Variants in CNTNAP2 observed in about 807,000 individuals in gnomAD.
CNTNAP2 encodes the protein contactin associated protein 2.
CNTNAP2 carries 98 observed loss-of-function variants against 155.2 expected under a neutral mutation model. That is an observed-to-expected ratio of 0.63 (90% CI 0.54 to 0.75). The LOEUF (loss-of-function observed/expected upper bound fraction) is 0.75. Ranked by LOEUF, CNTNAP2 falls within the 30% of genes least tolerant of loss-of-function variation. The pLI, the probability that CNTNAP2 is intolerant of heterozygous loss-of-function variation, is 0.00. For synonymous variants in CNTNAP2, 651 were observed against 631.2 expected, an observed-to-expected ratio of 1.03 and a Z score of -0.47; for missense variants, 1,727 against 1,688.1, an observed-to-expected ratio of 1.02 and a Z score of -0.40.
intron 15 of CNTNAP2, among the ~76,000 whole-genome samples, chr7:148,101,502 C>T (rs1804100517): frequency 6.6e-6 from 1 of 151,968 alleles, no homozygotes; most frequent in South Asian, 2.1e-4. Flanking sequence ...AATTTATTCC[C>T]CTGCATCTGT....
chr7:147,389,220 T>A (rs1468917112), intron 9 of CNTNAP2, among the ~76,000 whole-genome samples: 1 of 152,162 alleles, frequency 6.6e-6, no homozygotes, highest in Non-Finnish European at 1.5e-5. Flanking sequence ...CAGTAGAGAC[T>A]AGTAGATATT....
chr7:146,504,003 G>A (rs1443710748), intron 1 of CNTNAP2, among the ~76,000 whole-genome samples: 2 of 152,176 alleles, frequency 1.3e-5, no homozygotes, highest in African/African-American at 4.8e-5. Context: ...CCAGATACGA[G>A]CTCACACAAA....
At chr7:146,970,664 G>T (rs1253147938) in intron 3 of CNTNAP2, among the ~76,000 whole-genome samples, 1 of 152,012 alleles carries the variant, frequency 6.6e-6, no homozygotes, top group African/African-American at 2.4e-5. Context: ...GATTCCTCAG[G>T]GATCTAGAAC....
At chr7:146,946,983 T>C (rs112617577) in intron 3 of CNTNAP2, among the ~76,000 whole-genome samples, 2,499 of 152,286 alleles carry the variant, frequency 0.016, 31 homozygotes, top group Middle Eastern at 0.044. Flanking sequence ...TCTTCTTTCA[T>C]TGTCATTTCT....
chr7:147,419,227 C>A (rs1053738844), intron 10 of CNTNAP2, among the ~76,000 whole-genome samples: 2 of 152,066 alleles, frequency 1.3e-5, no homozygotes, highest in African/African-American at 4.8e-5. Flanking sequence ...TCTCTCTATG[C>A]CCTGCCTGCC....
intron 13 of CNTNAP2, among the ~76,000 whole-genome samples, chr7:147,723,187 A>G (rs1796590675): frequency 6.6e-6 from 1 of 152,022 alleles, no homozygotes. Context: ...AAATTCTTGC[A>G]TTTTTATTTA....
At chr7:146,532,923 AAAATAAAAAT>A (rs1797790642) in intron 1 of CNTNAP2, among the ~76,000 whole-genome samples, 1 of 151,648 alleles carries the variant, frequency 6.6e-6, no homozygotes, top group Non-Finnish European at 1.5e-5. Flanking sequence ...TCTCTACTAA[AAAATAAAAAT>A]AAATAAAAAT....
At chr7:147,078,980 A>G (rs1800055307) in intron 4 of CNTNAP2, among the ~76,000 whole-genome samples, 1 of 151,888 alleles carries the variant, frequency 6.6e-6, no homozygotes, top group Non-Finnish European at 1.5e-5. Context: ...CGAACTTCTG[A>G]CCTCAGGTGA....
At chr7:147,316,788 T>A (rs955152898) in intron 9 of CNTNAP2, among the ~76,000 whole-genome samples, 1 of 152,164 alleles carries the variant, frequency 6.6e-6, no homozygotes, top group Non-Finnish European at 1.5e-5. Context: ...AGCAGAAAGA[T>A]GCTAAAAGAT....
rs1255306069 is a variant in CNTNAP2 at position 148,408,461 on chromosome 7, C to T, written c.3716-930C>T. ...CCAGGAATAAATTAGTGTTAGAAAA[C>T]GGAGTATGTAGCAATGTTCTCCCTG... On this transcript the variant is annotated intron_variant, in intron 22 of 23. Transcript: ENST00000361727. Among the ~76,000 whole-genome samples, 6 of 152,280 alleles carry T rather than the reference C, an allele frequency of 3.9e-5. 1 individual carries two copies. In the East Asian group the frequency reaches 9.6e-4, roughly 24 times the overall value.
At chr7:148,308,440 C>T (rs1385872872) in intron 21 of CNTNAP2, among the ~76,000 whole-genome samples, 1 of 149,830 alleles carries the variant, frequency 6.7e-6, no homozygotes, top group East Asian at 2.0e-4. Flanking sequence ...TGTACCTACA[C>T]ATCTGTGCCA....
intron 1 of CNTNAP2, among the ~76,000 whole-genome samples, chr7:146,127,282 T>A (rs764403756): frequency 2.0e-5 from 3 of 152,218 alleles, no homozygotes; most frequent in Non-Finnish European, 4.4e-5. Context: ...CAGACTGATG[T>A]ATCAACACCT....
At chr7:146,829,344 G>T (rs1585111365) in intron 2 of CNTNAP2, among the ~76,000 whole-genome samples, 1 of 151,906 alleles carries the variant, frequency 6.6e-6, no homozygotes, top group African/African-American at 2.4e-5. Flanking sequence ...AAAAAAAAAA[G>T]TTCTAATAAC....
chr7:147,164,246 G>A (rs1213583159), intron 8 of CNTNAP2, among the ~76,000 whole-genome samples: 1 of 152,156 alleles, frequency 6.6e-6, no homozygotes, highest in Non-Finnish European at 1.5e-5. Context: ...TTATTTACTA[G>A]GACTGAGTTT....
intron 18 of CNTNAP2, among the ~76,000 whole-genome samples, chr7:148,211,720 T>G (rs1471939541): frequency 1.3e-5 from 2 of 152,192 alleles, no homozygotes; most frequent in Non-Finnish European, 2.9e-5. Context: ...CTGAAGGCGT[T>G]TTGGTTTTGC....
chr7:147,932,037 T>C (rs1800514946), intron 14 of CNTNAP2, among the ~76,000 whole-genome samples: 1 of 152,004 alleles, frequency 6.6e-6, no homozygotes. Context: ...AGGTGCATGC[T>C]ACCAGGCCCA....
chr7:148,163,603 C>T lies in CNTNAP2; in HGVS notation c.2774-8639C>T, dbSNP rs73744763. 6.9e-3 allele frequency among the ~76,000 whole-genome samples: 1,057 copies of T among 152,260 alleles called. 13 individuals are homozygous for T. Among genetic ancestry groups the T allele is most frequent in the African/African-American group, 0.024 (986 of 41,546 alleles). ...CTTTACTCTGAGGACACAAGAAAAT[C>T]CATGCAATAATAATGAACTGAAAAA... On this transcript the variant is annotated intron_variant, in intron 17 of 23. Coordinates refer to ENST00000361727, the MANE Select transcript of CNTNAP2 (RefSeq NM_014141.6).
intron 20 of CNTNAP2, among the ~76,000 whole-genome samples, chr7:148,243,973 G>A (rs1448166181): frequency 6.6e-6 from 1 of 152,136 alleles, no homozygotes; most frequent in South Asian, 2.1e-4. Context: ...TAGGGGTTTA[G>A]CATGTGCAAA....
At chr7:146,739,847 A>G (rs888591284) in intron 1 of CNTNAP2, among the ~76,000 whole-genome samples, 3 of 152,100 alleles carry the variant, frequency 2.0e-5, no homozygotes, top group Non-Finnish European at 4.4e-5. Flanking sequence ...CGTATTTACA[A>G]TTGTTATATC....
Sources: allele counts gnomAD v4.1 joint callset (sites outside exome capture counted in the v4.1 genomes callset), GRCh38; gene constraint gnomAD v4.1.1; transcripts MANE v1.5; gene names NCBI Gene and HGNC (gene_info 2026-07-23, HGNC 2026-07-21).